MARCHF11: variants seen among roughly 807,000 people sequenced by gnomAD.
MARCHF11 encodes the protein E3 ubiquitin-protein ligase MARCHF11.
MARCHF11 carries 29 observed loss-of-function variants against 37.3 expected under a neutral mutation model. The ratio of observed to expected loss-of-function variants is 0.78; its 90% CI spans 0.58 to 1.06. MARCHF11 has a LOEUF of 1.06. Among genes scored for constraint, MARCHF11 ranks in the 50% least tolerant of loss-of-function variants. The pLI is 0.00. For missense variants in MARCHF11, 482 were observed against 533.4 expected (o/e 0.90, Z 0.95); for synonymous variants, 233 against 228.0 (o/e 1.02, Z -0.20).
intron 2 of MARCHF11, among the ~76,000 whole-genome samples, chr5:16,106,221 G>A (rs991628420): frequency 2.0e-5 from 3 of 152,142 alleles, no homozygotes; most frequent in African/African-American, 7.2e-5. Context: ...CCAAGAAGGG[G>A]GAATGAGCAA....
chr5:16,149,403 G>A (rs749753265), intron 2 of MARCHF11, among the ~76,000 whole-genome samples: 22 of 152,212 alleles, frequency 1.4e-4, no homozygotes, highest in Non-Finnish European at 2.4e-4. Context: ...TAGTGTTGGC[G>A]CGAATGCAGA....
chr5:16,132,186 A>T (rs377630182), intron 2 of MARCHF11, among the ~76,000 whole-genome samples: 1 of 152,230 alleles, frequency 6.6e-6, no homozygotes. Flanking sequence ...GTACCAAATT[A>T]GATATTCTCC....
At chr5:16,080,078 T>C (rs555906513) in intron 3 of MARCHF11, among the ~76,000 whole-genome samples, 135 of 152,346 alleles carry the variant, frequency 8.9e-4, no homozygotes, top group Non-Finnish European at 1.6e-3. Flanking sequence ...CCTTCTGGCT[T>C]CTACCCTCAT....
At chr5:16,165,989 A>G (rs910224281) in intron 2 of MARCHF11, among the ~76,000 whole-genome samples, 4 of 152,082 alleles carry the variant, frequency 2.6e-5, no homozygotes, top group African/African-American at 9.7e-5. Context: ...TCTGTAAGGG[A>G]GACTTGTCTT....
chr5:16,153,639 T>C (rs79675555), intron 2 of MARCHF11, among the ~76,000 whole-genome samples: 3,801 of 152,124 alleles, frequency 0.025, 65 homozygotes, highest in Middle Eastern at 0.061. Flanking sequence ...TGGATGTACA[T>C]ATTGATAGAA....
intron 2 of MARCHF11, among the ~76,000 whole-genome samples, chr5:16,157,877 C>A (rs1738003616): frequency 6.6e-6 from 1 of 151,822 alleles, no homozygotes; most frequent in African/African-American, 2.4e-5. Flanking sequence ...AAGTAAACAA[C>A]CAACAGAGTG....
chr5:16,141,193 A>G (rs1249177337), intron 2 of MARCHF11: 1 of 152,052 alleles, frequency 6.6e-6, no homozygotes, highest in Non-Finnish European at 1.5e-5. Flanking sequence ...GGCATTGGAG[A>G]AGGTTTATCT....
intron 2 of MARCHF11, among the ~76,000 whole-genome samples, chr5:16,148,360 G>A (rs1012169623): frequency 1.3e-5 from 2 of 152,020 alleles, no homozygotes; most frequent in African/African-American, 2.4e-5. Context: ...CAAATTCAGT[G>A]GCTACATGGG....
intron 2 of MARCHF11, among the ~76,000 whole-genome samples, chr5:16,115,867 T>C (rs901708086): frequency 6.6e-6 from 1 of 152,190 alleles, no homozygotes; most frequent in African/African-American, 2.4e-5. Context: ...CCTCAGGTGA[T>C]CCACCTGCCT....
chr5:16,071,333 TG>T (rs1157850075), intron 3 of MARCHF11, among the ~76,000 whole-genome samples: 25 of 152,138 alleles, frequency 1.6e-4, no homozygotes, highest in African/African-American at 5.8e-4. Flanking sequence ...AGTTGAGGAG[TG>T]TGTGCATGTG....
At chr5:16,151,979 T>C (rs1200401880) in intron 2 of MARCHF11, among the ~76,000 whole-genome samples, 2 of 151,976 alleles carry the variant, frequency 1.3e-5, no homozygotes, top group East Asian at 3.9e-4. Flanking sequence ...TCTTTCCTAA[T>C]TTGGTTAGCT....
chr5:16,098,921 A>G (rs1464381086), intron 2 of MARCHF11, among the ~76,000 whole-genome samples: 1 of 152,232 alleles, frequency 6.6e-6, no homozygotes, highest in Non-Finnish European at 1.5e-5. Context: ...AAGATAATCT[A>G]CAAACTGTTG....
intron 2 of MARCHF11, among the ~76,000 whole-genome samples, chr5:16,128,471 C>G (rs748552168): frequency 6.6e-6 from 1 of 152,128 alleles, no homozygotes; most frequent in Non-Finnish European, 1.5e-5. Context: ...ATGCCCAAAG[C>G]CACTGAGATA....
intron 2 of MARCHF11, among the ~76,000 whole-genome samples, chr5:16,167,206 G>C (rs1452504133): frequency 2.0e-5 from 3 of 151,666 alleles, no homozygotes; most frequent in African/African-American, 7.3e-5. Flanking sequence ...ATAAGGAATT[G>C]GCTCACACAA....
At chr5:16,144,627 TA>T (rs1432262783) in intron 2 of MARCHF11, among the ~76,000 whole-genome samples, 1 of 152,168 alleles carries the variant, frequency 6.6e-6, no homozygotes, top group East Asian at 1.9e-4. Context: ...AATCTGTGTA[TA>T]AAACACACAG....
intron 3 of MARCHF11, among the ~76,000 whole-genome samples, chr5:16,075,586 G>GGAGA (rs141356580): frequency 1.3e-4 from 20 of 148,590 alleles, no homozygotes; most frequent in Admixed American, 2.0e-4. Flanking sequence ...TGAAAGAGAG[G>GGAGA]GAGAGAGAGA....
intron 2 of MARCHF11, among the ~76,000 whole-genome samples, chr5:16,132,696 AAGGACATTT>A (rs1404357723): frequency 6.6e-6 from 1 of 152,176 alleles, no homozygotes; most frequent in Admixed American, 6.5e-5. Context: ...AAGAAAATGC[AAGGACATTT>A]TGGAAAACTT....
chr5:16,118,172 G>A (rs1355950728), intron 2 of MARCHF11, among the ~76,000 whole-genome samples: 4 of 152,208 alleles, frequency 2.6e-5, no homozygotes, highest in African/African-American at 4.8e-5. Context: ...CGCGCGGGGG[G>A]AAAGGATGAG....
chr5:16,143,657 C>G (rs1737754521), intron 2 of MARCHF11, among the ~76,000 whole-genome samples: 1 of 152,242 alleles, frequency 6.6e-6, no homozygotes, highest in Non-Finnish European at 1.5e-5. Flanking sequence ...TTCCTCAACT[C>G]TGATTCTGTC....
Sources: gnomAD v4.1 joint callset for allele counts (sites outside exome capture counted in the v4.1 genomes callset) on GRCh38, gnomAD v4.1.1 for gene constraint, MANE v1.5 for transcripts, NCBI Gene and HGNC (gene_info 2026-07-23, HGNC 2026-07-21) for gene names.